The following METTL8 variants were observed in gnomAD, a reference collection of about 807,000 sequenced individuals.
The protein encoded by METTL8 is methyltransferase 8, tRNA N3-cytidine.
In METTL8, 32 loss-of-function variants were observed where a neutral mutation model predicts 48.7. The observed-to-expected ratio is 0.66, with a 90% CI of 0.50 to 0.88. METTL8 has a LOEUF of 0.88. METTL8 is among the 40% of genes least tolerant of loss of function. The pLI is 0.00. For missense variants in METTL8, 464 were observed against 474.4 expected, an observed-to-expected ratio of 0.98 and a Z score of 0.20; for synonymous variants, 136 against 157.1, an observed-to-expected ratio of 0.87 and a Z score of 1.01.
intron 1 of METTL8, among the ~76,000 whole-genome samples, chr2:171,393,670 T>C (rs1319667237): frequency 6.6e-6 from 1 of 152,214 alleles, no homozygotes; most frequent in Non-Finnish European, 1.5e-5. Flanking sequence ...TTCAGCCTAA[T>C]GCTGTCAGCT....
At position 171,360,439 on chromosome 2, in the gene METTL8, A is replaced by G; in HGVS notation, c.218T>C (p.Val73Ala). 1.9e-6 allele frequency: 3 copies of G among 1,613,694 alleles called. No individual in the cohort carries two copies. Among genetic ancestry groups the G allele is most frequent in the South Asian group, 1.1e-5 (1 of 91,052 alleles). Residue 73 changes from valine (V) to alanine (A), a missense_variant, in exon 3 of 10, where the codon GTC (valine) becomes GCC (alanine). Val to Ala is a moderately conservative substitution (Grantham distance 64, BLOSUM62 0). Coordinates refer to ENST00000375258, the MANE Select transcript of METTL8 (RefSeq NM_001321154.2). ...TTGACTACCTTGCTCTTCCAGAAGG[A>G]CTCGCACAGCTGAGTTTTCTTTTAC... ...KKVKENSAVR[V>A]LLEEQVKYER...
chr2:171,433,294 A>AT (rs1181274733), intron 1 of METTL8: 5 of 148,098 alleles, frequency 3.4e-5, no homozygotes, highest in Admixed American at 6.7e-5. Context: ...GGAAATTATT[A>AT]TTTTTTCTCA....
At chr2:171,382,887 A>G (rs113792527) in intron 2 of METTL8, among the ~76,000 whole-genome samples, 6,966 of 152,150 alleles carry the variant, frequency 0.046, 517 homozygotes, top group African/African-American at 0.15. Flanking sequence ...ATCCTGGCCA[A>G]CATGATGAAA....
chr2:171,377,348 A>G (rs944277513), intron 2 of METTL8, among the ~76,000 whole-genome samples: 2 of 152,062 alleles, frequency 1.3e-5, no homozygotes, highest in African/African-American at 4.8e-5. Context: ...TAAATATAAC[A>G]ACAAAAAATA....
chr2:171,330,432 GTA>G (rs1685397034), intron 7 of METTL8, 125 bp downstream of exon 7: 1 of 858,424 alleles, frequency 1.2e-6, no homozygotes, highest in African/African-American at 1.7e-5. Context: ...AAAAGGCTGT[GTA>G]TTATACATAA....
At chr2:171,341,370 AT>A (rs1686747565) in intron 3 of METTL8, among the ~76,000 whole-genome samples, 1 of 151,428 alleles carries the variant, frequency 6.6e-6, no homozygotes, top group Admixed American at 6.6e-5. Context: ...TCTCTCCCTC[AT>A]TTATTCAACA....
At chr2:171,418,402 A>G (rs191155379) in intron 1 of METTL8, among the ~76,000 whole-genome samples, 133 of 152,178 alleles carry the variant, frequency 8.7e-4, no homozygotes, top group African/African-American at 3.0e-3. Context: ...TACTCTTTGG[A>G]AGGAAATCAT....
intron 3 of METTL8, among the ~76,000 whole-genome samples, chr2:171,355,914 C>A (rs1684484806): frequency 6.6e-6 from 1 of 152,148 alleles, no homozygotes; most frequent in African/African-American, 2.4e-5. Context: ...CCTTGCGCTT[C>A]CCGGGTGAGG....
Position 171,324,051 on chromosome 2 carries a change from A to G in METTL8, c.*121T>C. The stretch of plus-strand genomic sequence containing the variant: ...ATGCACAAAGGAGCTCACCTATGAC[A>G]AAACGGCAGGAAATACAAATTCTCT... On this transcript the variant is annotated 3_prime_UTR_variant, in exon 10 of 10. Transcript: ENST00000375258. 1 of 835,306 alleles carries G rather than the reference A, an allele frequency of 1.2e-6. No homozygotes were observed. The highest frequency in any genetic ancestry group is 1.7e-5 in the African/African-American group (1 of 58,046). 51.7% of individuals were successfully genotyped at this position (835,306 alleles called of 1,614,324 possible). A position where few individuals can be genotyped will look rare whatever the true frequency, so the allele number is the denominator to read the frequency against.
chr2:171,412,738 A>G (rs80011976), intron 1 of METTL8, among the ~76,000 whole-genome samples: 3 of 151,972 alleles, frequency 2.0e-5, no homozygotes, highest in Non-Finnish European at 4.4e-5. Flanking sequence ...AAAAAAAAAA[A>G]GGCAGTTTCA....
At chr2:171,369,477 C>T (rs1378625355) in intron 2 of METTL8, among the ~76,000 whole-genome samples, 3 of 152,172 alleles carry the variant, frequency 2.0e-5, no homozygotes, top group Non-Finnish European at 4.4e-5. Context: ...TTGCATTACA[C>T]TTTTGGGAAT....
intron 2 of METTL8, among the ~76,000 whole-genome samples, chr2:171,361,336 T>TA (rs564344017): frequency 1.3e-3 from 197 of 151,174 alleles, no homozygotes; most frequent in African/African-American, 4.6e-3. Flanking sequence ...CACTAAACAA[T>TA]AAAAAAATTA....
chr2:171,382,400 T>G (rs1687638729), intron 2 of METTL8, among the ~76,000 whole-genome samples: 1 of 152,212 alleles, frequency 6.6e-6, no homozygotes, highest in Admixed American at 6.5e-5. Context: ...TCATGTCCTT[T>G]GCAGGGACAT....
At chr2:171,350,512 G>C (rs1366475633) in intron 3 of METTL8, among the ~76,000 whole-genome samples, 1 of 152,132 alleles carries the variant, frequency 6.6e-6, no homozygotes, top group Non-Finnish European at 1.5e-5. Context: ...GATATTTCTA[G>C]TTCTAGATCC....
intron 3 of METTL8, among the ~76,000 whole-genome samples, chr2:171,350,740 T>C (rs1255585929): frequency 6.6e-6 from 1 of 152,268 alleles, no homozygotes; most frequent in Non-Finnish European, 1.5e-5. Flanking sequence ...TTCATATGTC[T>C]GTTGGCTACA....
chr2:171,375,326 C>G (rs1223789030), intron 2 of METTL8: 1 of 717,934 alleles, frequency 1.4e-6, no homozygotes. Flanking sequence ...AAAGAAACTG[C>G]CAAGTTCCTC....
At chr2:171,390,842 T>C (rs571609033) in intron 2 of METTL8, among the ~76,000 whole-genome samples, 2 of 152,132 alleles carry the variant, frequency 1.3e-5, no homozygotes, top group South Asian at 4.1e-4. Flanking sequence ...CAACAAAGAA[T>C]TTAGACATAA....
At chr2:171,395,831 T>A (rs531397194) in intron 1 of METTL8, among the ~76,000 whole-genome samples, 1 of 152,146 alleles carries the variant, frequency 6.6e-6, no homozygotes, top group Non-Finnish European at 1.5e-5. Context: ...ATAAAGAAGA[T>A]TTGAACATTA....
chr2:171,410,719 C>T (rs1450335928), intron 1 of METTL8, among the ~76,000 whole-genome samples: 2 of 152,204 alleles, frequency 1.3e-5, no homozygotes, highest in African/African-American at 4.8e-5. Flanking sequence ...ATACCTTTTG[C>T]TTTCAGAGTA....
Sources: gnomAD v4.1 joint callset for allele counts (sites outside exome capture counted in the v4.1 genomes callset) on GRCh38, gnomAD v4.1.1 for gene constraint, MANE v1.5 for transcripts, NCBI Gene and HGNC (gene_info 2026-07-23, HGNC 2026-07-21) for gene names.